The following PTPRC variants were observed in gnomAD, a reference collection of about 807,000 sequenced individuals.
The protein encoded by PTPRC is protein tyrosine phosphatase receptor type C.
In PTPRC, 44 loss-of-function variants were observed where a neutral mutation model predicts 155.9. The ratio of observed to expected loss-of-function variants is 0.28; its 90% CI spans 0.22 to 0.36. PTPRC has a LOEUF of 0.36. PTPRC is among the 10% of genes least tolerant of loss of function. The pLI is 1.00. For synonymous variants in PTPRC, 525 were observed against 533.1 expected (o/e 0.98, Z 0.21); for missense variants, 1,401 against 1,564.6 (o/e 0.90, Z 1.76).
At chr1:198,707,592 C>T (rs1410346576) in intron 9 of PTPRC, among the ~76,000 whole-genome samples, 2 of 151,940 alleles carry the variant, frequency 1.3e-5, no homozygotes, top group East Asian at 3.9e-4. Context: ...AATTTGTTAA[C>T]ATTTAAATAT....
chr1:198,647,015 T>G (rs1557963608), intron 2 of PTPRC, among the ~76,000 whole-genome samples: 1 of 151,924 alleles, frequency 6.6e-6, no homozygotes, highest in Non-Finnish European at 1.5e-5. Flanking sequence ...TGACTCTTTT[T>G]GTAACTTGCA....
chr1:198,709,654 G>C, intron 10 of PTPRC, 33 bp from the exon 11 acceptor site: 1 of 1,480,794 alleles, frequency 6.8e-7, no homozygotes, highest in Non-Finnish European at 9.3e-7. Flanking sequence ...ATATTGCATC[G>C]ATATATTCAT....
At chr1:198,713,769 C>A (rs1279982839) in intron 12 of PTPRC, among the ~76,000 whole-genome samples, 1 of 152,106 alleles carries the variant, frequency 6.6e-6, no homozygotes, top group Non-Finnish European at 1.5e-5. Context: ...CCTGGGATAG[C>A]CCTTTCTCTA....
At chr1:198,713,805 G>T (rs1342442562) in intron 12 of PTPRC, among the ~76,000 whole-genome samples, 1 of 152,144 alleles carries the variant, frequency 6.6e-6, no homozygotes, top group Non-Finnish European at 1.5e-5. Context: ...GTTAAAATAG[G>T]AATGAAGTGA....
intron 2 of PTPRC, among the ~76,000 whole-genome samples, chr1:198,668,099 A>G (rs1241520183): frequency 6.6e-6 from 1 of 152,236 alleles, no homozygotes; most frequent in Non-Finnish European, 1.5e-5. Context: ...ATGATCTTAT[A>G]GAAATAAACA....
chr1:198,679,399 T>C (rs1376518229), intron 2 of PTPRC, among the ~76,000 whole-genome samples: 979 of 64,298 alleles, frequency 0.015, 4 homozygotes, highest in Non-Finnish European at 0.035. Context: ...CCCAGCTATT[T>C]TTTTTTTTTT....
intron 2 of PTPRC, among the ~76,000 whole-genome samples, chr1:198,676,421 G>T (rs1317249799): frequency 6.6e-6 from 1 of 152,154 alleles, no homozygotes; most frequent in African/African-American, 2.4e-5. Context: ...TGGTAGATCT[G>T]TATCAGTCAG....
At chr1:198,704,329 T>C (rs1466284550) in intron 7 of PTPRC, 143 bp from the exon 8 acceptor site, 2 of 1,449,282 alleles carry the variant, frequency 1.4e-6, no homozygotes, top group Non-Finnish European at 1.9e-6. Flanking sequence ...AAACCTGTAC[T>C]AGGCAAATCC....
At chr1:198,734,917 A>G (rs767146839) in intron 22 of PTPRC, among the ~76,000 whole-genome samples, 14 of 151,738 alleles carry the variant, frequency 9.2e-5, no homozygotes, top group Non-Finnish European at 1.6e-4. Context: ...CATCCTGCTA[A>G]AAAGTATGAA....
intron 12 of PTPRC, among the ~76,000 whole-genome samples, chr1:198,714,528 C>T (rs1653475084): frequency 6.6e-6 from 1 of 152,166 alleles, no homozygotes; most frequent in African/African-American, 2.4e-5. Context: ...GGGAGGCTAG[C>T]TATCAGGCTG....
intron 17 of PTPRC, among the ~76,000 whole-genome samples, chr1:198,730,512 T>C (rs1654336869): frequency 6.6e-6 from 1 of 152,090 alleles, no homozygotes; most frequent in Admixed American, 6.6e-5. Flanking sequence ...AACACTGACA[T>C]AGGGTATCGT....
chr1:198,643,271 A>G (rs1196296965), intron 2 of PTPRC, among the ~76,000 whole-genome samples: 1 of 151,894 alleles, frequency 6.6e-6, no homozygotes, highest in Non-Finnish European at 1.5e-5. Flanking sequence ...AATCAGGTAT[A>G]GGAGACACAA....
intron 14 of PTPRC, 135 bp downstream of exon 14, chr1:198,718,437 A>G: frequency 1.3e-6 from 1 of 786,190 alleles, no homozygotes; most frequent in South Asian, 1.7e-5. Context: ...ACACTTAAAG[A>G]GTCTCAAATA....
chr1:198,674,767 C>A (rs1664850555), intron 2 of PTPRC, among the ~76,000 whole-genome samples: 1 of 151,944 alleles, frequency 6.6e-6, no homozygotes, highest in African/African-American at 2.4e-5. Flanking sequence ...TTTAGATTTA[C>A]AGAAAAGTTG....
chr1:198,644,589 G>A lies in PTPRC; in HGVS notation c.73+5248G>A, dbSNP rs187436361. On this transcript the variant is annotated intron_variant, in intron 2 of 32. Coordinates refer to ENST00000442510, the MANE Select transcript of PTPRC (RefSeq NM_002838.5). ...AGTCTAGGAATGACTACTATAAGCA[G>A]AGAATTATATGTTCAGGAATCACAA... 1.2e-4 allele frequency among the ~76,000 whole-genome samples: 18 copies of A among 151,880 alleles called. No individual in the cohort carries two copies. The East Asian group carries it at 3.5e-3, about 29-fold the overall frequency.
At chr1:198,644,543 TCAA>T (rs547845354) in intron 2 of PTPRC, among the ~76,000 whole-genome samples, 33 of 151,996 alleles carry the variant, frequency 2.2e-4, no homozygotes, top group Non-Finnish European at 3.5e-4. Flanking sequence ...GTGTGCTACT[TCAA>T]TATCAGTCTG....
chr1:198,695,213 T>C (rs1666136631), intron 3 of PTPRC: 1 of 871,406 alleles, frequency 1.1e-6, no homozygotes, highest in South Asian at 5.3e-5. Flanking sequence ...ATTGCAATTT[T>C]CATTCTTAAC....
intron 2 of PTPRC, among the ~76,000 whole-genome samples, chr1:198,674,206 A>G (rs10922472): frequency 0.041 from 6,170 of 152,234 alleles, 392 homozygotes; most frequent in African/African-American, 0.13. Flanking sequence ...TTGGAGCGGC[A>G]TCTGATGCTC....
rs1342631947 is a variant in PTPRC, at chr1:198,639,042, CA to C, written c.-138del. Reference sequence around the variant, plus strand: ...GAGAAGTTAGTAAAACCGAATCTGACATCATCACCTAGCAGTTCATGCAGCT... The same window carrying C: ...GAGAAGTTAGTAAAACCGAATCTGACTCATCACCTAGCAGTTCATGCAGCT... On this transcript the variant is annotated 5_prime_UTR_variant, in exon 1 of 33. Coordinates refer to ENST00000442510, the MANE Select transcript of PTPRC (RefSeq NM_002838.5). 3.6e-5 allele frequency: 19 copies of C among 525,242 alleles called. No individual in the cohort carries two copies. Among genetic ancestry groups the C allele is most frequent in the Admixed American group, 3.4e-4 (10 of 29,492 alleles). 32.5% of individuals were successfully genotyped at this position (525,242 alleles called of 1,614,324 possible).
Sources: gnomAD v4.1 joint callset for allele counts (sites outside exome capture counted in the v4.1 genomes callset) on GRCh38, gnomAD v4.1.1 for gene constraint, MANE v1.5 for transcripts, NCBI Gene and HGNC (gene_info 2026-07-23, HGNC 2026-07-21) for gene names.